BCAP29: variants seen among roughly 807,000 people sequenced by gnomAD.
BCAP29 encodes the protein B-cell receptor-associated protein 29.
In BCAP29, 34 loss-of-function variants were observed where a neutral mutation model predicts 31.8. The observed-to-expected ratio is 1.07, with a 90% confidence interval of 0.81 to 1.42. BCAP29 has a LOEUF of 1.42. Ranked by LOEUF, BCAP29 falls within the 40% of genes most tolerant of loss-of-function variation. The probability of loss-of-function intolerance (pLI) is 0.00; values close to 1 mark genes in which losing one functional copy is unlikely to be tolerated. For synonymous variants in BCAP29, 104 were observed against 91.3 expected (o/e 1.14, Z -0.79); for missense variants, 314 against 269.2 (o/e 1.17, Z -1.16).
At chr7:107,609,299 T>A (rs939643887) in intron 6 of BCAP29, among the ~76,000 whole-genome samples, 1 of 152,214 alleles carries the variant, frequency 6.6e-6, no homozygotes, top group African/African-American at 2.4e-5. Context: ...GGGCCTCATA[T>A]GCCCTGTTTG....
chr7:107,594,978 T>C (rs1408629411), intron 4 of BCAP29, among the ~76,000 whole-genome samples: 1 of 152,192 alleles, frequency 6.6e-6, no homozygotes, highest in African/African-American at 2.4e-5. Flanking sequence ...CATTCCACCC[T>C]TACAGACCTT....
intron 7 of BCAP29, among the ~76,000 whole-genome samples, chr7:107,617,601 A>G (rs922381209): frequency 9.2e-5 from 14 of 152,182 alleles, no homozygotes; most frequent in African/African-American, 3.4e-4. Flanking sequence ...AGCTTCATTA[A>G]AGCTTTGTTT....
At chr7:107,583,344 A>G (rs917042376) in intron 2 of BCAP29, among the ~76,000 whole-genome samples, 1 of 152,098 alleles carries the variant, frequency 6.6e-6, no homozygotes, top group Non-Finnish European at 1.5e-5. Flanking sequence ...ATCAAGCTAC[A>G]TATTTAAGAT....
In BCAP29 at chr7:107,586,441, G is replaced by C. The variant is rs115599602; in HGVS notation, c.193+2459G>C. 3.2e-3 allele frequency among the ~76,000 whole-genome samples: 484 copies of C among 152,264 alleles called. 4 individuals carry two copies. Among genetic ancestry groups the C allele is most frequent in the African/African-American group, 0.011 (476 of 41,556 alleles). ...GTAAACAGGGCAATTAATTCCCAGA[G>C]AACAAGGACATCATGGATAGTTAAG... On this transcript the variant is annotated intron_variant, in intron 3 of 7. Coordinates refer to ENST00000005259, the MANE Select transcript of BCAP29 (RefSeq NM_018844.4).
intron 6 of BCAP29, among the ~76,000 whole-genome samples, chr7:107,608,210 AAAAT>A: frequency 6.6e-6 from 1 of 151,024 alleles, no homozygotes; most frequent in East Asian, 1.9e-4. Flanking sequence ...TAAAAAAAAA[AAAAT>A]AAGAAAGGGA....
chr7:107,615,111 G>GTCCATTGTTGAATGTC (rs540960762), intron 7 of BCAP29: 20 of 429,006 alleles, frequency 4.7e-5, no homozygotes, highest in East Asian at 7.1e-5. Flanking sequence ...TATGGCCAGT[G>GTCCATTGTTGAATGTC]TCCATTGTTG....
Position 107,599,225 on chromosome 7 carries a change from A to G in BCAP29, c.481-1172A>G, listed in dbSNP as rs866347703. Reference sequence around the variant, plus strand: ...CATATTTATAAATATATATATACATAATTATATATATTTATATATAAATAT... The same window carrying G: ...CATATTTATAAATATATATATACATGATTATATATATTTATATATAAATAT... On this transcript the variant is annotated intron_variant, in intron 5 of 7. Transcript: ENST00000005259. Among the ~76,000 whole-genome samples, 32 of 18,164 alleles carry G rather than the reference A, an allele frequency of 1.8e-3. 3 individuals are homozygous for G. The highest frequency in any genetic ancestry group is 4.9e-3 in the African/African-American group (31 of 6,298). 11.9% of individuals were successfully genotyped at this position (18,164 alleles called of 152,430 possible).
chr7:107,622,363 T>C (rs113098309), downstream of BCAP29: 3,795 of 154,346 alleles, frequency 0.025, 171 homozygotes, highest in African/African-American at 0.086. Context: ...CCCATCTACT[T>C]TTCAGCCTCA....
downstream of BCAP29, chr7:107,622,100 G>A: frequency 2.4e-6 from 1 of 418,782 alleles, no homozygotes; most frequent in Admixed American, 2.9e-5. Context: ...CGTTGCCATT[G>A]CCTCTGCCTA....
Position 107,589,198 on chromosome 7 carries a change from T to C in BCAP29, c.194-4757T>C, listed in dbSNP as rs73189573. Among the ~76,000 whole-genome samples the C allele has an allele frequency of 6.2e-3, 946 of 152,342 alleles. 4 individuals are homozygous for C. The highest frequency in any genetic ancestry group is 9.2e-3 in the Non-Finnish European group (626 of 68,024). ...TTTTTGGCACCAGGGACCAGCTTCA[T>C]GGAAGACAGTTTTTCCATATGCAGG... is the stretch of plus-strand genomic sequence containing the variant. On this transcript the variant is annotated intron_variant, in intron 3 of 7. Coordinates refer to ENST00000005259, the MANE Select transcript of BCAP29 (RefSeq NM_018844.4).
Position 107,618,418 on chromosome 7 carries a change from T to C in BCAP29, c.*55T>C, listed in dbSNP as rs780623261. The C allele has an allele frequency of 6.8e-6, 11 of 1,612,812 alleles. No homozygotes were observed. In the East Asian group the frequency reaches 2.5e-4, roughly 36 times the overall value. On this transcript the variant is annotated 3_prime_UTR_variant, in exon 8 of 8. Coordinates refer to ENST00000005259, the MANE Select transcript of BCAP29 (RefSeq NM_018844.4). ...TGTCAAAATGATAATTTTGTTATGT[T>C]AGCCTCTAGAAAATTTAAGTTCAGA...
chr7:107,592,613 G>A (rs867215308), intron 3 of BCAP29, among the ~76,000 whole-genome samples: 1 of 152,154 alleles, frequency 6.6e-6, no homozygotes, highest in African/African-American at 2.4e-5. Flanking sequence ...AGCACATGTC[G>A]ATATAAAACT....
intron 6 of BCAP29, among the ~76,000 whole-genome samples, chr7:107,610,152 A>C (rs1812870125): frequency 6.6e-6 from 1 of 152,248 alleles, no homozygotes; most frequent in Non-Finnish European, 1.5e-5. Flanking sequence ...CATTAGTTGA[A>C]GTCATTTTCT....
chr7:107,608,046 A>G (rs1372937384), intron 6 of BCAP29, among the ~76,000 whole-genome samples: 1 of 152,074 alleles, frequency 6.6e-6, no homozygotes, highest in East Asian at 1.9e-4. Context: ...ATCAGTTTTG[A>G]TGTTGACCTT....
chr7:107,590,144 AATT>A (rs1407081131), intron 3 of BCAP29, among the ~76,000 whole-genome samples: 1 of 152,214 alleles, frequency 6.6e-6, no homozygotes, highest in Non-Finnish European at 1.5e-5. Context: ...TTAAAGGAAA[AATT>A]ATAGATTTGA....
chr7:107,594,541 G>A lies in BCAP29; in HGVS notation c.344+436G>A, dbSNP rs184675094. Among the ~76,000 whole-genome samples, 178 of 151,956 alleles carry A rather than the reference G, an allele frequency of 1.2e-3. 1 individual carries two copies. Among genetic ancestry groups the A allele is most frequent in the African/African-American group, 4.1e-3 (169 of 41,406 alleles). On this transcript the variant is annotated intron_variant, in intron 4 of 7. Transcript: ENST00000005259. The stretch of plus-strand genomic sequence containing the variant: ...TTTTAAGATGGAGTCTCGCTTTGTC[G>A]CCCAGACTGGAGTGCAGTGGCGCGA...
chr7:107,602,689 T>C (rs1811369810), intron 6 of BCAP29, among the ~76,000 whole-genome samples: 1 of 152,172 alleles, frequency 6.6e-6, no homozygotes, highest in Admixed American at 6.5e-5. Flanking sequence ...TACAAATGTT[T>C]ATTTAAGCTA....
At position 107,616,041 on chromosome 7, in the gene BCAP29, T is replaced by C. The variant is rs572288040; in HGVS notation, c.691-2287T>C. ...TCTTTGGCCTTTGCTGATCATTGGA[T>C]TGTGTTCTTGGATCCATTCTCCTCT... On this transcript the variant is annotated intron_variant, in intron 7 of 7. Coordinates refer to ENST00000005259, the MANE Select transcript of BCAP29 (RefSeq NM_018844.4). 3.3e-5 allele frequency among the ~76,000 whole-genome samples: 5 copies of C among 152,302 alleles called. No individual in the cohort carries two copies. The East Asian group carries it at 9.7e-4, about 29-fold the overall frequency.
At chr7:107,613,487 A>G in intron 7 of BCAP29, 55 bp downstream of exon 7, 1 of 1,411,420 alleles carries the variant, frequency 7.1e-7, no homozygotes, top group Admixed American at 1.8e-5. Context: ...TAATTACCTA[A>G]GTAAATTATT....
Sources: allele counts gnomAD v4.1 joint callset (sites outside exome capture counted in the v4.1 genomes callset), GRCh38; gene constraint gnomAD v4.1.1; transcripts MANE v1.5; gene names NCBI Gene and HGNC (gene_info 2026-07-23, HGNC 2026-07-21).